PPP1R9A: variants seen among roughly 807,000 people sequenced by gnomAD.
The protein encoded by PPP1R9A is neurabin-1.
A neutral mutation model predicts 141.9 loss-of-function variants in PPP1R9A; 59 were observed. That is an observed-to-expected ratio of 0.42 (90% CI 0.34 to 0.52). The LOEUF (loss-of-function observed/expected upper bound fraction) is 0.52. Among genes scored for constraint, PPP1R9A ranks in the 20% least tolerant of loss-of-function variants. PPP1R9A has a pLI of 0.10. For missense variants in PPP1R9A, 1,444 were observed against 1,611.9 expected (o/e 0.90, Z 1.78); for synonymous variants, 500 against 569.7 (o/e 0.88, Z 1.74).
chr7:95,250,139 G>A lies in PPP1R9A; in HGVS notation c.2280G>A (p.Glu760=), dbSNP rs1798673365. 4 of 1,613,854 alleles carry A rather than the reference G, an allele frequency of 2.5e-6. No homozygotes were observed. The highest frequency in any genetic ancestry group is 2.5e-6 in the Non-Finnish European group (3 of 1,179,952). ...TGAAGTTGGAAAGCTACTGGATTGA[G>A]GCCCAAACATTATGCCACACAGTGA... ...RMLKLESYWI[E]AQTLCHTVNE... Residue 760 remains glutamate, a synonymous_variant, in exon 10 of 20, where the codon GAG becomes GAA. Coordinates refer to ENST00000433360, the MANE Select transcript of PPP1R9A (RefSeq NM_001166160.2).
chr7:95,007,522 A>G (rs557693421), intron 2 of PPP1R9A, among the ~76,000 whole-genome samples: 2 of 152,272 alleles, frequency 1.3e-5, no homozygotes, highest in South Asian at 2.1e-4. Context: ...TGTCTCCTCA[A>G]TTGTGTTATT....
intron 4 of PPP1R9A, among the ~76,000 whole-genome samples, chr7:95,142,031 G>A (rs184959148): frequency 2.0e-5 from 3 of 152,050 alleles, no homozygotes; most frequent in East Asian, 1.9e-4. Flanking sequence ...CCTCATGAGC[G>A]CTTGTTTTTA....
At chr7:94,980,625 A>G (rs548208594) in intron 2 of PPP1R9A, among the ~76,000 whole-genome samples, 22 of 151,516 alleles carry the variant, frequency 1.5e-4, no homozygotes, top group Middle Eastern at 3.4e-3. Context: ...TTTTTTAGAA[A>G]AAGTTGGACA....
intron 12 of PPP1R9A, among the ~76,000 whole-genome samples, chr7:95,253,443 C>G (rs1305063812): frequency 1.3e-5 from 2 of 152,096 alleles, no homozygotes; most frequent in Non-Finnish European, 2.9e-5. Context: ...AAAATGATAT[C>G]TAGAGATTTG....
intron 5 of PPP1R9A, among the ~76,000 whole-genome samples, chr7:95,166,421 A>C (rs1172352392): frequency 6.6e-6 from 1 of 152,174 alleles, no homozygotes; most frequent in Non-Finnish European, 1.5e-5. Context: ...AAACTGGATA[A>C]ATTTCTGGAT....
At chr7:94,996,355 C>T (rs551320862) in intron 2 of PPP1R9A, among the ~76,000 whole-genome samples, 4 of 152,052 alleles carry the variant, frequency 2.6e-5, no homozygotes, top group African/African-American at 4.8e-5. Context: ...TAAAAAGTCA[C>T]TGTTAATAAA....
chr7:95,111,205 C>A, intron 2 of PPP1R9A, 54 bp from the exon 3 acceptor site: 1 of 1,472,554 alleles, frequency 6.8e-7, no homozygotes, highest in Non-Finnish European at 9.2e-7. Context: ...TTTTGGATAC[C>A]TGGCAGGTTT....
At chr7:95,075,897 C>A (rs143428013) in intron 2 of PPP1R9A, among the ~76,000 whole-genome samples, 29 of 152,080 alleles carry the variant, frequency 1.9e-4, no homozygotes, top group Non-Finnish European at 2.1e-4. Context: ...TTCTGTGGGG[C>A]AGAGCAATGG....
chr7:95,283,655 C>G (rs1279394987), intron 16 of PPP1R9A, among the ~76,000 whole-genome samples: 1 of 152,192 alleles, frequency 6.6e-6, no homozygotes, highest in Non-Finnish European at 1.5e-5. Flanking sequence ...GCTAATGTCC[C>G]TAGCTGTGAG....
intron 2 of PPP1R9A, among the ~76,000 whole-genome samples, chr7:95,046,082 T>A (rs1049546138): frequency 2.1e-5 from 1 of 48,074 alleles, no homozygotes; most frequent in Non-Finnish European, 5.5e-5. Flanking sequence ...TTTCTTTTCT[T>A]TTTTTTTTTT....
At chr7:95,254,278 T>A (rs1241270239) in intron 12 of PPP1R9A, among the ~76,000 whole-genome samples, 2 of 152,184 alleles carry the variant, frequency 1.3e-5, no homozygotes, top group African/African-American at 4.8e-5. Context: ...GTGATAAATC[T>A]CTTTGAATTT....
chr7:94,985,121 GT>G, intron 2 of PPP1R9A, among the ~76,000 whole-genome samples: 1 of 152,268 alleles, frequency 6.6e-6, no homozygotes, highest in East Asian at 1.9e-4. Flanking sequence ...AGATTGTTCA[GT>G]TTCCATGTAG....
chr7:95,273,324 C>CT (rs775859527), intron 14 of PPP1R9A, among the ~76,000 whole-genome samples: 3 of 152,206 alleles, frequency 2.0e-5, no homozygotes, highest in Non-Finnish European at 2.9e-5. Context: ...TTTAAGGAGT[C>CT]TCCCCCATGT....
chr7:95,007,809 C>T (rs543956189), intron 2 of PPP1R9A, among the ~76,000 whole-genome samples: 4 of 152,216 alleles, frequency 2.6e-5, no homozygotes, highest in East Asian at 1.9e-4. Flanking sequence ...TGGTGGCTCA[C>T]GCCTGTAATA....
At chr7:95,160,923 C>G (rs1408852783) in intron 4 of PPP1R9A, among the ~76,000 whole-genome samples, 1 of 152,144 alleles carries the variant, frequency 6.6e-6, no homozygotes, top group African/African-American at 2.4e-5. Context: ...ATCTCATCCA[C>G]CATTTGTGGA....
At chr7:95,046,898 G>A (rs1810099750) in intron 2 of PPP1R9A, among the ~76,000 whole-genome samples, 1 of 152,196 alleles carries the variant, frequency 6.6e-6, no homozygotes, top group Admixed American at 6.5e-5. Flanking sequence ...GGTAGATAAA[G>A]TCTTCTTTTT....
At chr7:95,203,574 C>A in intron 6 of PPP1R9A, 91 bp from the exon 7 acceptor site, 1 of 912,788 alleles carries the variant, frequency 1.1e-6, no homozygotes, top group Non-Finnish European at 1.7e-6. Context: ...TTACAGTAAG[C>A]ACTGGGACTC....
rs1389688246 is a variant in PPP1R9A, at chr7:95,176,266, A to G, written c.1754+14295A>G. Among the ~76,000 whole-genome samples, 5 of 152,232 alleles carry G rather than the reference A, an allele frequency of 3.3e-5. No homozygotes were observed. In the South Asian group the frequency reaches 8.3e-4, roughly 25 times the overall value. ...CCAGAAGAGAGATAACAGTAACTACAACTTCACTGTTAGGAAGCCATATCC... is the reference window on the plus strand; with the variant it reads ...CCAGAAGAGAGATAACAGTAACTACGACTTCACTGTTAGGAAGCCATATCC... On this transcript the variant is annotated intron_variant, in intron 5 of 19. Coordinates refer to ENST00000433360, the MANE Select transcript of PPP1R9A (RefSeq NM_001166160.2).
chr7:95,058,885 G>A (rs1187996726), intron 2 of PPP1R9A, among the ~76,000 whole-genome samples: 5 of 152,030 alleles, frequency 3.3e-5, no homozygotes, highest in Non-Finnish European at 7.4e-5. Context: ...TGACTCCCTG[G>A]TTCAAGTGAT....
Sources: allele counts gnomAD v4.1 joint callset (sites outside exome capture counted in the v4.1 genomes callset), GRCh38; gene constraint gnomAD v4.1.1; transcripts MANE v1.5; gene names NCBI Gene and HGNC (gene_info 2026-07-23, HGNC 2026-07-21).